Variants in ABCA9 observed in about 807,000 individuals in gnomAD.
ABCA9 encodes ATP binding cassette subfamily A member 9.
A neutral mutation model predicts 205.3 loss-of-function variants in ABCA9; 183 were observed. The ratio of observed to expected loss-of-function variants is 0.89; its 90% CI spans 0.79 to 1.01. The LOEUF (loss-of-function observed/expected upper bound fraction) is 1.01, where lower values mean the gene tolerates loss of function less well. Among genes scored for constraint, ABCA9 ranks in the 50% least tolerant of loss-of-function variants. ABCA9 has a pLI of 0.00. For synonymous variants in ABCA9, 651 were observed against 683.3 expected (o/e 0.95, Z 0.74); for missense variants, 1,805 against 1,912.4 (o/e 0.94, Z 1.05).
chr17:69,058,670 T>C (rs2072141589), intron 1 of ABCA9, among the ~76,000 whole-genome samples: 1 of 151,904 alleles, frequency 6.6e-6, no homozygotes, highest in Non-Finnish European at 1.5e-5. Flanking sequence ...AAACCCCATC[T>C]CCACTAAAAA....
At chr17:69,044,377 G>T in intron 5 of ABCA9, 120 bp downstream of exon 5, 1 of 808,952 alleles carries the variant, frequency 1.2e-6, no homozygotes, top group South Asian at 1.8e-5. Context: ...TATGGAAGTT[G>T]TTCTGTATAT....
chr17:69,020,120 C>T (rs2144284482), intron 19 of ABCA9: 1 of 345,708 alleles, frequency 2.9e-6, no homozygotes, highest in East Asian at 5.9e-5. Context: ...GTACTAATAT[C>T]CACGTGCTTT....
chr17:69,049,677 T>A (rs1355224317), intron 2 of ABCA9, among the ~76,000 whole-genome samples, 187 bp from the exon 3 acceptor site: 1 of 152,186 alleles, frequency 6.6e-6, no homozygotes, highest in Admixed American at 6.6e-5. Context: ...ATGCACATTG[T>A]CTACCAAGAC....
rs935471525 is a variant in ABCA9 at position 69,029,186 on chromosome 17, C to G, written c.1487G>C (p.Arg496Thr). 3 of 1,560,950 alleles carry G rather than the reference C, an allele frequency of 1.9e-6. No individual in the cohort carries two copies. Among genetic ancestry groups the G allele is most frequent in the Non-Finnish European group, 2.6e-6 (3 of 1,143,232 alleles). Residue 496 changes from arginine (R) to threonine (T), a missense_variant, in exon 11 of 39, where the codon AGA becomes ACA. Coordinates refer to ENST00000340001, the MANE Select transcript of ABCA9 (RefSeq NM_080283.4). ...LKKEYAGKCE[R>T]VEALKGVVFD... is the part of the protein sequence containing the mutation. ...TTTATTACCTTTCAAAGCTTCTACT[C>G]TCTCACACTTCCCTGCATATTCTTT...
chr17:69,076,178 T>C, the ABCA9 span, among the ~76,000 whole-genome samples: 1 of 152,150 alleles, frequency 6.6e-6, no homozygotes, highest in African/African-American at 2.4e-5. Flanking sequence ...TTCCTATTAT[T>C]TTTAGGTAAG....
chr17:68,992,113 TA>T, intron 28 of ABCA9, 61 bp downstream of exon 28: 2 of 1,212,750 alleles, frequency 1.6e-6, no homozygotes, highest in South Asian at 1.5e-5. Context: ...TTCAGCACAT[TA>T]AAAAGTCCTT....
the ABCA9 span, among the ~76,000 whole-genome samples, chr17:69,068,804 G>A: frequency 7.2e-5 from 11 of 152,300 alleles, no homozygotes. Flanking sequence ...AATATTGATT[G>A]TGCAAACTAA....
intron 19 of ABCA9, chr17:69,020,013 G>A (rs1473511108): frequency 5.5e-6 from 1 of 180,660 alleles, no homozygotes; most frequent in African/African-American, 2.4e-5. Context: ...GTTTATATAT[G>A]TATATCCTAT....
intron 31 of ABCA9, among the ~76,000 whole-genome samples, chr17:68,987,853 C>G (rs556802956): frequency 1.3e-5 from 2 of 151,932 alleles, no homozygotes; most frequent in Non-Finnish European, 2.9e-5. Context: ...CTTGGCCTCC[C>G]GGCCGGGTTC....
intron 31 of ABCA9, 55 bp downstream of exon 31, chr17:68,988,972 A>G: frequency 9.3e-7 from 1 of 1,075,430 alleles, no homozygotes. Flanking sequence ...TATTATTGCC[A>G]TCAATATTCT....
At chr17:69,062,213 A>G (rs1185040814), upstream of ABCA9, among the ~76,000 whole-genome samples, 1 of 152,012 alleles carries the variant, frequency 6.6e-6, no homozygotes, top group East Asian at 1.9e-4. Context: ...GATTTTCTGC[A>G]GAAAATACAA....
intron 30 of ABCA9, among the ~76,000 whole-genome samples, chr17:68,989,425 A>C (rs1284634600): frequency 6.6e-6 from 1 of 152,150 alleles, no homozygotes; most frequent in East Asian, 1.9e-4. Flanking sequence ...TTGATTTCAA[A>C]GCCTGTTGTA....
intron 28 of ABCA9, 104 bp downstream of exon 28, chr17:68,992,071 A>G (rs1357483262): frequency 5.4e-6 from 4 of 742,894 alleles, no homozygotes; most frequent in Non-Finnish European, 8.4e-6. Context: ...GTCTTTAAAA[A>G]CCATCCTGTG....
chr17:68,994,011 G>A (rs1183546482), intron 26 of ABCA9, among the ~76,000 whole-genome samples: 1 of 152,142 alleles, frequency 6.6e-6, no homozygotes, highest in Non-Finnish European at 1.5e-5. Context: ...GAGTAGTTTG[G>A]ATTACAGGCA....
chr17:69,044,553 ACT>A lies in ABCA9; in HGVS notation c.515_516del (p.Glu172ValfsTer14). On this transcript the variant is annotated frameshift_variant, in exon 5 of 39. Transcript: ENST00000340001. LOFTEE classifies it high-confidence loss of function. ...VNEKMKCEGS[E>X]FWEKGFVAFQ... is the part of the protein sequence containing the mutation. ...AAAGCTACAAAGCCTTTCTCCCAGAACTCTGAACCTTCACACTTCATTTTTTC... is the reference window on the plus strand; with the variant it reads ...AAAGCTACAAAGCCTTTCTCCCAGAACTGAACCTTCACACTTCATTTTTTC... The A allele has an allele frequency of 6.2e-7, 1 of 1,613,212 alleles. No homozygotes were observed. The highest frequency in any genetic ancestry group is 1.7e-5 in the Admixed American group (1 of 59,912).
At chr17:69,020,898 A>G (rs1467379043) in intron 18 of ABCA9, 1 of 243,332 alleles carries the variant, frequency 4.1e-6, no homozygotes, top group African/African-American at 2.3e-5. Context: ...TGTAAAAGAT[A>G]AACCACTTAG....
intron 23 of ABCA9, among the ~76,000 whole-genome samples, chr17:69,010,176 A>T (rs572019236): frequency 7.6e-3 from 215 of 28,160 alleles, no homozygotes; most frequent in African/African-American, 0.013. Context: ...ACAGTTAATT[A>T]AAAAAAAAAA....
rs763704973 is a variant in ABCA9 at position 69,043,538 on chromosome 17, A to G, written c.751T>C (p.Tyr251His). 1.9e-6 allele frequency: 3 copies of G among 1,610,376 alleles called. No individual in the cohort carries two copies. The highest frequency in any genetic ancestry group is 2.7e-5 in the African/African-American group (2 of 74,708). ...VSVNVTQERQ[Y>H]ITSLMTMMGL... Reference sequence around the variant, plus strand: ...ATCATTGTCATCAATGACGTAATGTATTGTCTTTCTTGTGTAACATTGACT... The same window carrying G: ...ATCATTGTCATCAATGACGTAATGTGTTGTCTTTCTTGTGTAACATTGACT... Residue 251 changes from tyrosine to histidine, a missense_variant, in exon 6 of 39, where the codon TAC becomes CAC. Physicochemically the swap from Tyr to His is moderately conservative, Grantham distance 83. Transcript: ENST00000340001.
the ABCA9 span, among the ~76,000 whole-genome samples, chr17:69,077,131 C>T: frequency 1.3e-5 from 2 of 152,094 alleles, no homozygotes; most frequent in Admixed American, 6.5e-5. Context: ...TCTAACTTTT[C>T]GAAGTAGGTA....
Sources: allele counts gnomAD v4.1 joint callset (sites outside exome capture counted in the v4.1 genomes callset), GRCh38; gene constraint gnomAD v4.1.1; transcripts MANE v1.5; gene names NCBI Gene and HGNC (gene_info 2026-07-23, HGNC 2026-07-21).